KANK1: variants seen among roughly 807,000 people sequenced by gnomAD.
KANK1 encodes the protein KN motif and ankyrin repeat domain-containing protein 1.
KANK1 carries 109 observed loss-of-function variants against 106.2 expected under a neutral mutation model. The observed-to-expected ratio is 1.03, with a 90% confidence interval of 0.88 to 1.20. The LOEUF (loss-of-function observed/expected upper bound fraction) is 1.20, where lower values mean the gene tolerates loss of function less well. Ranked by LOEUF, KANK1 falls within the 50% of genes most tolerant of loss-of-function variation. KANK1 has a pLI of 0.00. For missense variants in KANK1, 2,399 were observed against 1,710.7 expected (o/e 1.40, Z -7.10); for synonymous variants, 873 against 652.2 (o/e 1.34, Z -5.16).
In KANK1 at chr9:712,956, C is replaced by T. The variant is rs763948122; in HGVS notation, c.2190C>T (p.Ser730=). The change falls in exon 3 of 12, where the codon TCC becomes TCT. Residue 730 remains serine (S), a synonymous_variant. Coordinates refer to ENST00000382297, the MANE Select transcript of KANK1 (RefSeq NM_015158.5). ...GCCGTGTCAAGGACATCAACTCCTC[C>T]ACCAAGACGCGGTCCATTGGTGTTG... ...GEGRVKDINS[S]TKTRSIGVGT... is the part of the protein sequence containing the mutation. The T allele has an allele frequency of 1.2e-6, 2 of 1,614,242 alleles. No individual in the cohort carries two copies. Among genetic ancestry groups the T allele is most frequent in the Non-Finnish European group, 1.7e-6 (2 of 1,180,056 alleles).
intron 3 of KANK1, among the ~76,000 whole-genome samples, chr9:715,437 G>A (rs1379939565): frequency 6.6e-6 from 1 of 152,092 alleles, no homozygotes; most frequent in African/African-American, 2.4e-5. Flanking sequence ...CCCCAAACTG[G>A]GGTTTCTATT....
At chr9:526,593 A>C (rs1291160744) in intron 1 of KANK1, among the ~76,000 whole-genome samples, 1 of 151,778 alleles carries the variant, frequency 6.6e-6, no homozygotes, top group Admixed American at 6.6e-5. Flanking sequence ...GAAATTTAGC[A>C]ATGTTTTATG....
At chr9:656,767 A>G (rs1008163254) in intron 1 of KANK1, among the ~76,000 whole-genome samples, 1 of 152,192 alleles carries the variant, frequency 6.6e-6, no homozygotes, top group African/African-American at 2.4e-5. Context: ...AGTCTCCTGT[A>G]TTAAAAAGGG....
intron 1 of KANK1, among the ~76,000 whole-genome samples, chr9:617,026 C>G (rs562743310): frequency 2.6e-5 from 4 of 152,038 alleles, no homozygotes; most frequent in Non-Finnish European, 5.9e-5. Flanking sequence ...AAAATGCAGT[C>G]CCTTCTCTAG....
intron 3 of KANK1, among the ~76,000 whole-genome samples, chr9:723,362 A>C (rs934890723): frequency 6.6e-6 from 1 of 152,156 alleles, no homozygotes; most frequent in African/African-American, 2.4e-5. Flanking sequence ...GTGGGAGGAA[A>C]GGCTTACCAG....
chr9:552,974 T>A (rs2061370632), intron 1 of KANK1, among the ~76,000 whole-genome samples: 1 of 152,042 alleles, frequency 6.6e-6, no homozygotes, highest in South Asian at 2.1e-4. Flanking sequence ...GCGAGACCCC[T>A]TCTCTACAAA....
intron 1 of KANK1, among the ~76,000 whole-genome samples, chr9:539,314 A>T (rs1217026430): frequency 6.6e-6 from 1 of 152,220 alleles, no homozygotes; most frequent in African/African-American, 2.4e-5. Flanking sequence ...TAGGAATAGT[A>T]TTAAATCTGT....
At position 535,725 on chromosome 9, in the gene KANK1, G is replaced by A. The variant is rs960912462; in HGVS notation, c.-84+30971G>A. 2.0e-5 allele frequency among the ~76,000 whole-genome samples: 3 copies of A among 152,168 alleles called. No homozygotes were observed. In the East Asian group the frequency reaches 5.8e-4, roughly 29 times the overall value. On this transcript the variant is annotated intron_variant, in intron 1 of 11. Coordinates refer to ENST00000382297, the MANE Select transcript of KANK1 (RefSeq NM_015158.5). ...GCAGCAAATGGGCTGTAGAATCATG[G>A]TATTTGTGATTTCCTGTGTCCTTGA... is the stretch of plus-strand genomic sequence containing the variant.
chr9:603,833 G>A (rs934196834), intron 1 of KANK1, among the ~76,000 whole-genome samples: 1 of 151,008 alleles, frequency 6.6e-6, no homozygotes, highest in African/African-American at 2.5e-5. Flanking sequence ...GGTGGTGTGC[G>A]CCATAGTCCC....
chr9:612,135 C>G (rs1442661941), intron 1 of KANK1, among the ~76,000 whole-genome samples: 1 of 152,174 alleles, frequency 6.6e-6, no homozygotes, highest in Non-Finnish European at 1.5e-5. Flanking sequence ...CACACAAAGC[C>G]ACCTATGCCT....
intron 7 of KANK1, among the ~76,000 whole-genome samples, chr9:736,152 G>C (rs1026752041): frequency 1.3e-5 from 2 of 152,118 alleles, no homozygotes; most frequent in Non-Finnish European, 2.9e-5. Flanking sequence ...TAGAGACCGG[G>C]TTTCACCGTG....
intron 1 of KANK1, among the ~76,000 whole-genome samples, chr9:579,391 C>G (rs1335030267): frequency 6.6e-6 from 1 of 152,098 alleles, no homozygotes; most frequent in African/African-American, 2.4e-5. Flanking sequence ...TCAGAGAAAA[C>G]CTAAGAATCA....
Position 675,185 on chromosome 9 carries a change from A to C in KANK1, c.-83-1705A>C, listed in dbSNP as rs1816142153. Among the ~76,000 whole-genome samples the C allele has an allele frequency of 2.0e-5, 3 of 152,316 alleles. No individual in the cohort carries two copies. The South Asian group carries it at 6.2e-4, about 32-fold the overall frequency. Reference sequence around the variant, plus strand: ...TAAAATTAGGTTTAGGATAGTATACAGTTTTGTTTTTCTTTTAACCAACAT... The same window carrying C: ...TAAAATTAGGTTTAGGATAGTATACCGTTTTGTTTTTCTTTTAACCAACAT... On this transcript the variant is annotated intron_variant, in intron 1 of 11. Transcript: ENST00000382297.
At chr9:690,425 G>A (rs1263041156) in intron 2 of KANK1, among the ~76,000 whole-genome samples, 1 of 152,056 alleles carries the variant, frequency 6.6e-6, no homozygotes, top group African/African-American at 2.4e-5. Flanking sequence ...ATAGCACCAT[G>A]CTTATGCATG....
At chr9:546,593 C>G (rs2060942240) in intron 1 of KANK1, among the ~76,000 whole-genome samples, 1 of 151,994 alleles carries the variant, frequency 6.6e-6, no homozygotes, top group African/African-American at 2.4e-5. Flanking sequence ...TACCATAGAA[C>G]TCTTACTCAT....
At chr9:659,309 C>G (rs534734481) in intron 1 of KANK1, among the ~76,000 whole-genome samples, 1 of 152,256 alleles carries the variant, frequency 6.6e-6, no homozygotes, top group East Asian at 1.9e-4. Flanking sequence ...TCCCAGTTAA[C>G]CCATCTTTGA....
At chr9:647,335 A>G (rs1771062443) in intron 1 of KANK1, among the ~76,000 whole-genome samples, 1 of 98,132 alleles carries the variant, frequency 1.0e-5, no homozygotes, top group Admixed American at 1.0e-4. Context: ...ATGATGTCTT[A>G]TTCTTGGCAT....
At chr9:625,412 G>C (rs1004393878) in intron 1 of KANK1, among the ~76,000 whole-genome samples, 1 of 152,122 alleles carries the variant, frequency 6.6e-6, no homozygotes, top group Non-Finnish European at 1.5e-5. Context: ...CTTGTTTCCA[G>C]TTTTCCAGAA....
At chr9:546,420 G>T (rs1428587845) in intron 1 of KANK1, among the ~76,000 whole-genome samples, 1 of 152,020 alleles carries the variant, frequency 6.6e-6, no homozygotes, top group Non-Finnish European at 1.5e-5. Flanking sequence ...AACACCAGTT[G>T]TGCTGAGAAA....
Sources: gnomAD v4.1 joint callset for allele counts (sites outside exome capture counted in the v4.1 genomes callset) on GRCh38, gnomAD v4.1.1 for gene constraint, MANE v1.5 for transcripts, NCBI Gene and HGNC (gene_info 2026-07-23, HGNC 2026-07-21) for gene names.